The following TOX variants were observed in gnomAD, a reference collection of about 807,000 sequenced individuals.
TOX encodes the protein thymocyte selection associated high mobility group box, also known as thymocyte selection-associated high mobility group box protein TOX.
In TOX, 11 loss-of-function variants were observed where a neutral mutation model predicts 53.7. The observed-to-expected ratio is 0.20, with a 90% CI of 0.13 to 0.34. The LOEUF is 0.34. Ranked by LOEUF, TOX falls within the 10% of genes least tolerant of loss-of-function variation. TOX has a pLI of 1.00. For synonymous variants in TOX, 225 were observed against 245.3 expected (o/e 0.92, Z 0.77); for missense variants, 570 against 664.6 (o/e 0.86, Z 1.56).
At chr8:58,966,180 G>A (rs1420343682) in intron 1 of TOX, among the ~76,000 whole-genome samples, 2 of 152,092 alleles carry the variant, frequency 1.3e-5, no homozygotes, top group Non-Finnish European at 2.9e-5. Context: ...CTAGTGTCAA[G>A]GCTGAACCTG....
intron 1 of TOX, among the ~76,000 whole-genome samples, chr8:59,062,784 G>C (rs1321439192): frequency 6.6e-6 from 1 of 151,882 alleles, no homozygotes; most frequent in South Asian, 2.1e-4. Flanking sequence ...AAGAGAGAGG[G>C]TGTGTGTGTG....
intron 1 of TOX, among the ~76,000 whole-genome samples, chr8:58,983,808 C>T (rs959239266): frequency 2.0e-5 from 3 of 152,178 alleles, no homozygotes; most frequent in Non-Finnish European, 4.4e-5. Flanking sequence ...TGTAGTGCAT[C>T]AAGATCAGAT....
At chr8:58,809,832 G>C (rs1014371718) in intron 7 of TOX, among the ~76,000 whole-genome samples, 2 of 152,348 alleles carry the variant, frequency 1.3e-5, no homozygotes, top group Admixed American at 1.3e-4. Flanking sequence ...AGATCAGAGA[G>C]TGTTTCAAAT....
At chr8:59,055,175 C>T (rs188636464) in intron 1 of TOX, among the ~76,000 whole-genome samples, 2 of 152,238 alleles carry the variant, frequency 1.3e-5, no homozygotes, top group Admixed American at 1.3e-4. Flanking sequence ...CAAAACTAAG[C>T]TTGCTGTGAT....
intron 2 of TOX, among the ~76,000 whole-genome samples, chr8:58,947,413 G>A (rs943442075): frequency 1.3e-5 from 2 of 152,002 alleles, no homozygotes; most frequent in Non-Finnish European, 2.9e-5. Flanking sequence ...CAAATGTTTT[G>A]TCTTCTAGAT....
chr8:59,053,442 T>G (rs1373996623), intron 1 of TOX, among the ~76,000 whole-genome samples: 1 of 152,204 alleles, frequency 6.6e-6, no homozygotes, highest in Non-Finnish European at 1.5e-5. Flanking sequence ...GAAAATATAT[T>G]GGTCTGCCTC....
chr8:59,057,476 G>T (rs1803905992), intron 1 of TOX, among the ~76,000 whole-genome samples: 1 of 152,120 alleles, frequency 6.6e-6, no homozygotes, highest in South Asian at 2.1e-4. Context: ...ATAAGTATTA[G>T]TTCCTAGTAT....
chr8:58,886,321 A>C (rs1811467368), intron 3 of TOX, among the ~76,000 whole-genome samples: 2 of 152,276 alleles, frequency 1.3e-5, no homozygotes, highest in Admixed American at 1.3e-4. Context: ...ATAAAGCTTA[A>C]TTTCAAACTG....
intron 4 of TOX, among the ~76,000 whole-genome samples, chr8:58,845,953 G>A (rs1036070993): frequency 2.6e-5 from 4 of 152,090 alleles, no homozygotes; most frequent in Admixed American, 1.3e-4. Flanking sequence ...TTTGGATTGA[G>A]GGCTTTTACA....
intron 1 of TOX, among the ~76,000 whole-genome samples, chr8:59,004,465 T>C (rs2129418326): frequency 6.6e-6 from 1 of 152,354 alleles, no homozygotes. Flanking sequence ...GGCTAACATA[T>C]GCACTAATCC....
At chr8:58,997,308 G>A (rs936473317) in intron 1 of TOX, among the ~76,000 whole-genome samples, 2 of 152,140 alleles carry the variant, frequency 1.3e-5, no homozygotes, top group Non-Finnish European at 2.9e-5. Flanking sequence ...ATAAGCAAGA[G>A]GAAAGCAAGA....
chr8:58,971,645 C>T (rs1344893077), intron 1 of TOX, among the ~76,000 whole-genome samples: 2 of 151,910 alleles, frequency 1.3e-5, no homozygotes, highest in Non-Finnish European at 2.9e-5. Flanking sequence ...CTCAATTTGC[C>T]TGTGAAAAGG....
chr8:59,095,885 G>C (rs1804704393), intron 1 of TOX, among the ~76,000 whole-genome samples: 2 of 152,134 alleles, frequency 1.3e-5, no homozygotes, highest in African/African-American at 4.8e-5. Flanking sequence ...TAGATGTGTA[G>C]AGAGGTATTT....
intron 1 of TOX, among the ~76,000 whole-genome samples, chr8:59,095,589 G>A (rs1351757318): frequency 2.0e-5 from 3 of 151,572 alleles, no homozygotes; most frequent in Admixed American, 2.0e-4. Flanking sequence ...TTGTAGAGAT[G>A]GGCTTTCACC....
intron 6 of TOX, among the ~76,000 whole-genome samples, chr8:58,823,131 TA>T (rs1349149995): frequency 1.3e-5 from 2 of 152,350 alleles, no homozygotes; most frequent in Non-Finnish European, 2.9e-5. Context: ...TTCCTAGGAT[TA>T]AGCGTTTTAT....
intron 1 of TOX, among the ~76,000 whole-genome samples, chr8:59,012,863 G>A (rs559073475): frequency 2.7e-5 from 4 of 149,126 alleles, no homozygotes; most frequent in African/African-American, 9.9e-5. Flanking sequence ...CTGGCCAGCA[G>A]ACACCTCCTG....
chr8:59,067,735 G>A (rs1804120844), intron 1 of TOX, among the ~76,000 whole-genome samples: 1 of 151,562 alleles, frequency 6.6e-6, no homozygotes, highest in Admixed American at 6.6e-5. Flanking sequence ...TTATTTCATG[G>A]TTAAAAACTC....
chr8:58,924,553 A>C (rs990308120), intron 3 of TOX, among the ~76,000 whole-genome samples: 7 of 152,248 alleles, frequency 4.6e-5, no homozygotes, highest in Admixed American at 2.6e-4. Context: ...TTAGACCAAG[A>C]GCCCTTCAGG....
chr8:59,024,158 CT>C (rs1267384486), intron 1 of TOX, among the ~76,000 whole-genome samples: 7 of 152,304 alleles, frequency 4.6e-5, no homozygotes, highest in Admixed American at 4.6e-4. Context: ...CCTCAGACCT[CT>C]GAATCTGTGT....
Sources: gnomAD v4.1 joint callset for allele counts (sites outside exome capture counted in the v4.1 genomes callset) on GRCh38, gnomAD v4.1.1 for gene constraint, MANE v1.5 for transcripts, NCBI Gene and HGNC (gene_info 2026-07-23, HGNC 2026-07-21) for gene names.